MEI1: variants seen among roughly 807,000 people sequenced by gnomAD.
MEI1 encodes the protein meiotic double-stranded break formation protein 1.
Under a neutral mutation model 146.2 loss-of-function variants are expected in MEI1, and 103 were observed. That is an observed-to-expected ratio of 0.70 (90% CI 0.60 to 0.83). MEI1 has a LOEUF of 0.83. Among genes scored for constraint, MEI1 ranks in the 40% least tolerant of loss-of-function variants. The probability of loss-of-function intolerance (pLI) is 0.00; values close to 1 mark genes in which losing one functional copy is unlikely to be tolerated. For synonymous variants in MEI1, 652 were observed against 628.2 expected (o/e 1.04, Z -0.57); for missense variants, 1,529 against 1,533.0 (o/e 1.00, Z 0.04).
Position 41,776,282 on chromosome 22 carries a change from G to A in MEI1, c.2710+15G>A, listed in dbSNP as rs1024721689. On this transcript the variant is annotated intron_variant, in intron 21 of 30. Transcript: ENST00000401548. ...CCCATCAGGAGGTCAGTCTGCAGGT[G>A]CTGTGGGCACACTTTGACCTGAAAG... is the stretch of plus-strand genomic sequence containing the variant. 3.7e-6 allele frequency: 6 copies of A among 1,612,330 alleles called. No homozygotes were observed. The highest frequency in any genetic ancestry group is 5.1e-6 in the Non-Finnish European group (6 of 1,179,594).
chr22:41,699,854 C>T, intron 1 of MEI1, 142 bp downstream of exon 1: 3 of 1,130,286 alleles, frequency 2.7e-6, no homozygotes, highest in South Asian at 3.4e-5. Context: ...TCCCTGTCAG[C>T]CCGTCCCGGA....
intron 6 of MEI1, 135 bp from the exon 7 acceptor site, chr22:41,723,808 C>T: frequency 8.6e-7 from 1 of 1,166,586 alleles, no homozygotes; most frequent in Non-Finnish European, 1.2e-6. Flanking sequence ...CAAATTGGTG[C>T]TTAAGGATTC....
At chr22:41,759,947 G>C (rs2074365705) in intron 18 of MEI1, among the ~76,000 whole-genome samples, 1 of 152,166 alleles carries the variant, frequency 6.6e-6, no homozygotes, top group Non-Finnish European at 1.5e-5. Flanking sequence ...GCCGAGGCGG[G>C]TGGATCACCT....
chr22:41,785,481 C>T (rs2075933711), intron 26 of MEI1, among the ~76,000 whole-genome samples: 1 of 150,858 alleles, frequency 6.6e-6, no homozygotes, highest in Non-Finnish European at 1.5e-5. Context: ...CCAGGATGGT[C>T]TTGATCTCCT....
At chr22:41,722,674 C>T (rs2070971628) in intron 6 of MEI1, among the ~76,000 whole-genome samples, 1 of 152,128 alleles carries the variant, frequency 6.6e-6, no homozygotes, top group African/African-American at 2.4e-5. Flanking sequence ...AGTTGGCTCA[C>T]ATCCAACTTC....
rs2073251312 is a variant in MEI1, at chr22:41,745,956, A to G, written c.1610A>G (p.Glu537Gly). The change falls in exon 14 of 31, where the codon GAA becomes GGA. Residue 537 changes from glutamate (E) to glycine (G), a missense_variant. This residue lies in a region of MEI1 where 1,212 missense variants were observed against 1,178.9 expected (regional missense o/e 1.03). Transcript: ENST00000401548. ...NPFTAPSAKK[E>G]DTLEAFSEFL... ...TTCACAGCTCCCAGCGCCAAGAAGG[A>G]AGACACCTTGGAGGCCTTCTCAGAA... 1 of 1,613,616 alleles carries G rather than the reference A, an allele frequency of 6.2e-7. No homozygotes were observed. Among genetic ancestry groups the G allele is most frequent in the East Asian group, 2.2e-5 (1 of 44,866 alleles).
intron 30 of MEI1, among the ~76,000 whole-genome samples, chr22:41,796,188 A>G (rs573415748): frequency 6.6e-6 from 1 of 151,970 alleles, no homozygotes; most frequent in East Asian, 1.9e-4. Context: ...ATATATATAT[A>G]TTTATTTATT....
At chr22:41,790,360 C>T (rs1202273490) in intron 26 of MEI1, among the ~76,000 whole-genome samples, 1 of 152,178 alleles carries the variant, frequency 6.6e-6, no homozygotes, top group Admixed American at 6.5e-5. Flanking sequence ...TCTGGGATTA[C>T]AGGTGTGAGC....
In MEI1 at chr22:41,754,133, G is replaced by A; in HGVS notation, c.1951+87G>A. On this transcript the variant is annotated intron_variant, in intron 17 of 30. Transcript: ENST00000401548. ...TGCTGATTGACTAGATAGTGAGTTA[G>A]TACAGCCACGAGATTTCTTTGCCTG... is the stretch of plus-strand genomic sequence containing the variant. 2 of 975,824 alleles carry A rather than the reference G, an allele frequency of 2.0e-6. 1 individual carries two copies. The highest frequency in any genetic ancestry group is 2.6e-5 in the South Asian group (2 of 75,692). 60.4% of individuals were successfully genotyped at this position (975,824 alleles called of 1,614,324 possible). A position where few individuals can be genotyped will look rare whatever the true frequency, so the allele number is the denominator to read the frequency against.
intron 5 of MEI1, among the ~76,000 whole-genome samples, chr22:41,717,587 T>C (rs1161360569): frequency 6.6e-6 from 1 of 151,950 alleles, no homozygotes; most frequent in Non-Finnish European, 1.5e-5. Flanking sequence ...AATGAGCCAC[T>C]GCACCTGGCT....
chr22:41,745,998 G>C lies in MEI1; in HGVS notation c.1652G>C (p.Cys551Ser). 2 of 1,608,158 alleles carry C rather than the reference G, an allele frequency of 1.2e-6. No homozygotes were observed. Among genetic ancestry groups the C allele is most frequent in the African/African-American group, 2.7e-5 (2 of 74,952 alleles). Reference sequence around the variant, plus strand: ...TTCTCAGAATTTCTTCTCAGTGCCTGTGACTCGCTGTGTATCCCCATGGTG... The same window carrying C: ...TTCTCAGAATTTCTTCTCAGTGCCTCTGACTCGCTGTGTATCCCCATGGTG... ...EAFSEFLLSA[C>S]DSLCIPMVMR... The change falls in exon 14 of 31, where the codon TGT becomes TCT. Residue 551 changes from cysteine (C) to serine (S), a missense_variant. This residue lies in a region of MEI1 where 1,212 missense variants were observed against 1,178.9 expected (regional missense o/e 1.03). Transcript: ENST00000401548.
At chr22:41,704,295 T>G (rs1298960773) in intron 2 of MEI1, among the ~76,000 whole-genome samples, 1 of 152,300 alleles carries the variant, frequency 6.6e-6, no homozygotes, top group East Asian at 1.9e-4. Context: ...TAGGATGATC[T>G]CCAAGCTTCA....
At position 41,770,883 on chromosome 22, in the gene MEI1, G is replaced by A. The variant is rs1322549036; in HGVS notation, c.2466G>A (p.Gly822=). 1 of 1,613,902 alleles carries A rather than the reference G, an allele frequency of 6.2e-7. No individual in the cohort carries two copies. The change falls in exon 20 of 31, where the codon GGG becomes GGA. Residue 822 remains glycine, a synonymous_variant. Transcript: ENST00000401548. ...YEELDDVTSA[G]QPALPASLVV... Reference sequence around the variant, plus strand: ...AACTGGATGATGTCACCTCTGCTGGGCAGCCCGCCCTTCCTGCCAGCTTAG... The same window carrying A: ...AACTGGATGATGTCACCTCTGCTGGACAGCCCGCCCTTCCTGCCAGCTTAG...
At chr22:41,785,483 T>C (rs776954447) in intron 26 of MEI1, among the ~76,000 whole-genome samples, 1 of 150,418 alleles carries the variant, frequency 6.6e-6, no homozygotes, top group Non-Finnish European at 1.5e-5. Flanking sequence ...AGGATGGTCT[T>C]GATCTCCTGA....
chr22:41,775,973 T>TA, intron 20 of MEI1, 129 bp from the exon 21 acceptor site: 1 of 867,958 alleles, frequency 1.2e-6, no homozygotes, highest in Non-Finnish European at 1.8e-6. Flanking sequence ...AGGTGCTGAG[T>TA]AAGTGACAGA....
intron 20 of MEI1, among the ~76,000 whole-genome samples, chr22:41,773,735 C>T (rs542037901): frequency 3.9e-5 from 6 of 152,084 alleles, no homozygotes; most frequent in Admixed American, 1.3e-4. Context: ...ATTAGCCGGG[C>T]ATGGTGGCAC....
At chr22:41,733,241 A>G (rs1189149365) in intron 11 of MEI1, among the ~76,000 whole-genome samples, 2 of 151,598 alleles carry the variant, frequency 1.3e-5, no homozygotes, top group Non-Finnish European at 2.9e-5. Context: ...ACCTGAGCCC[A>G]GGAGTTCAAG....
chr22:41,721,180 T>C (rs967640289), intron 6 of MEI1, among the ~76,000 whole-genome samples: 1 of 148,952 alleles, frequency 6.7e-6, no homozygotes, highest in African/African-American at 2.5e-5. Context: ...CCCCAGGATA[T>C]GTCCGCCTCG....
At chr22:41,711,418 T>C (rs578110969) in intron 3 of MEI1, among the ~76,000 whole-genome samples, 3 of 152,318 alleles carry the variant, frequency 2.0e-5, no homozygotes, top group Admixed American at 2.0e-4. Flanking sequence ...TGATCCGTTC[T>C]GACCCCCCGG....
Sources: gnomAD v4.1 joint callset for allele counts (sites outside exome capture counted in the v4.1 genomes callset) on GRCh38, gnomAD v4.1.1 for gene constraint, gnomAD v4.1.1 regional missense constraint, MANE v1.5 for transcripts, NCBI Gene and HGNC (gene_info 2026-07-23, HGNC 2026-07-21) for gene names.